Variants in PCDH7 observed in about 807,000 individuals in gnomAD.
The protein encoded by PCDH7 is protocadherin 7.
A neutral mutation model predicts 58.9 loss-of-function variants in PCDH7; 17 were observed. The observed-to-expected ratio is 0.29, with a 90% CI of 0.20 to 0.43. The LOEUF is 0.43. Ranked by LOEUF, PCDH7 falls within the 20% of genes least tolerant of loss-of-function variation. PCDH7 has a pLI of 1.00. For missense variants in PCDH7, 1,274 were observed against 1,441.0 expected (o/e 0.88, Z 1.88); for synonymous variants, 664 against 616.4 (o/e 1.08, Z -1.14).
At chr4:30,887,703 G>A (rs945992189) in intron 1 of PCDH7, among the ~76,000 whole-genome samples, 1 of 152,080 alleles carries the variant, frequency 6.6e-6, no homozygotes, top group East Asian at 1.9e-4. Context: ...ACAAAGGCAT[G>A]CAAATTCAGT....
intron 1 of PCDH7, among the ~76,000 whole-genome samples, chr4:30,800,163 A>C (rs980613672): frequency 2.6e-5 from 4 of 152,088 alleles, no homozygotes; most frequent in African/African-American, 9.6e-5. Flanking sequence ...CAGCGTATGA[A>C]TATAACTTCT....
intron 3 of PCDH7, among the ~76,000 whole-genome samples, chr4:31,112,506 C>A (rs1256786689): frequency 6.6e-6 from 1 of 152,070 alleles, no homozygotes; most frequent in Non-Finnish European, 1.5e-5. Context: ...TTTCATGAGG[C>A]AAAACATTTT....
intron 3 of PCDH7, among the ~76,000 whole-genome samples, chr4:31,034,814 A>G (rs1265790417): frequency 6.6e-6 from 1 of 151,192 alleles, no homozygotes; most frequent in African/African-American, 2.4e-5. Flanking sequence ...GCATTTAAAA[A>G]AAATAATAGA....
intron 1 of PCDH7, among the ~76,000 whole-genome samples, chr4:30,815,065 A>C (rs1403856590): frequency 6.6e-6 from 1 of 152,166 alleles, no homozygotes; most frequent in Non-Finnish European, 1.5e-5. Context: ...CTCAATTGTA[A>C]GTTATACAAC....
rs75558350 is a variant in PCDH7, at chr4:31,119,249, C to A, written c.*8-23224C>A. Among the ~76,000 whole-genome samples the A allele has an allele frequency of 6.6e-3, 1,001 of 152,224 alleles. 15 individuals carry two copies. The highest frequency in any genetic ancestry group is 0.023 in the African/African-American group (957 of 41,552). The stretch of plus-strand genomic sequence containing the variant: ...TAAATTATGTTTTGGTCTTACATTA[C>A]AACCTGCCCATACCTGTAAAAAAGA... On this transcript the variant is annotated intron_variant, in intron 3 of 3. Transcript: ENST00000509759.
chr4:30,739,519 A>G (rs1716797194), intron 1 of PCDH7, among the ~76,000 whole-genome samples: 1 of 152,078 alleles, frequency 6.6e-6, no homozygotes, highest in Admixed American at 6.6e-5. Context: ...ATATACAGAG[A>G]TGGTATTTCT....
intron 3 of PCDH7, among the ~76,000 whole-genome samples, chr4:30,964,521 G>A (rs1300858356): frequency 4.6e-5 from 7 of 151,930 alleles, no homozygotes; most frequent in Non-Finnish European, 4.4e-5. Context: ...GATTACAGGC[G>A]TGAGCCACCG....
chr4:30,856,864 A>G (rs920130246), intron 1 of PCDH7, among the ~76,000 whole-genome samples: 4 of 151,914 alleles, frequency 2.6e-5, no homozygotes, highest in African/African-American at 9.7e-5. Context: ...AGAAATATAG[A>G]TTTACTTTCT....
chr4:31,006,902 A>AAAAAAG (rs1266850545), intron 3 of PCDH7, among the ~76,000 whole-genome samples: 3 of 147,168 alleles, frequency 2.0e-5, no homozygotes, highest in African/African-American at 5.2e-5. Context: ...CAAAAAAAAA[A>AAAAAAG]AAAAAGAAAA....
At chr4:30,808,010 T>C (rs1726466610) in intron 1 of PCDH7, among the ~76,000 whole-genome samples, 1 of 152,212 alleles carries the variant, frequency 6.6e-6, no homozygotes, top group African/African-American at 2.4e-5. Flanking sequence ...TCACCTTTTC[T>C]TAGCTGGTGT....
exon 2 of PCDH7, chr4:30,731,182 A>G: frequency 2.0e-6 from 2 of 983,494 alleles, no homozygotes; most frequent in Non-Finnish European, 1.2e-6. Flanking sequence ...AATACATTAA[A>G]TACTGATTTT....
chr4:30,749,745 C>T (rs201876416), intron 1 of PCDH7, among the ~76,000 whole-genome samples: 17 of 152,130 alleles, frequency 1.1e-4, no homozygotes, highest in East Asian at 3.9e-4. Flanking sequence ...TGATAAAACA[C>T]GGGCATTTAG....
chr4:31,119,559 G>A (rs1186179598), intron 3 of PCDH7, among the ~76,000 whole-genome samples: 1 of 152,098 alleles, frequency 6.6e-6, no homozygotes, highest in East Asian at 1.9e-4. Context: ...AAGCTTTAGA[G>A]CAGGAACGAA....
At chr4:30,940,060 C>A (rs1211160740) in intron 2 of PCDH7, among the ~76,000 whole-genome samples, 1 of 151,362 alleles carries the variant, frequency 6.6e-6, no homozygotes, top group Non-Finnish European at 1.5e-5. Context: ...CAATGATTAC[C>A]CCAGATTGAA....
chr4:31,120,479 T>A (rs1382218418), intron 3 of PCDH7, among the ~76,000 whole-genome samples: 5 of 146,328 alleles, frequency 3.4e-5, no homozygotes, highest in African/African-American at 1.3e-4. Flanking sequence ...ATGTTACATC[T>A]CCTGTATGTT....
chr4:31,029,646 C>A (rs1754733178), intron 3 of PCDH7, among the ~76,000 whole-genome samples: 1 of 152,208 alleles, frequency 6.6e-6, no homozygotes, highest in Non-Finnish European at 1.5e-5. Flanking sequence ...CACATTAAAT[C>A]TGCCACACTC....
At chr4:30,792,368 A>G (rs1724230974) in intron 1 of PCDH7, among the ~76,000 whole-genome samples, 1 of 144,290 alleles carries the variant, frequency 6.9e-6, no homozygotes, top group Non-Finnish European at 1.5e-5. Flanking sequence ...TTGACTTCAT[A>G]TCATAGTTTA....
chr4:31,089,041 T>C (rs1452708602), intron 3 of PCDH7, among the ~76,000 whole-genome samples: 2 of 152,054 alleles, frequency 1.3e-5, no homozygotes, highest in Non-Finnish European at 1.5e-5. Context: ...TCAGGCATGC[T>C]ATCTTCTAAT....
Position 31,067,792 on chromosome 4 carries a change from C to T in PCDH7, c.*8-74681C>T, listed in dbSNP as rs78452315. The stretch of plus-strand genomic sequence containing the variant: ...TTTAGATCTGTGGGGAATTTTGAGA[C>T]GTTCATTCTAAGATATCATAGAAAA... On this transcript the variant is annotated intron_variant, in intron 3 of 3. Transcript: ENST00000509759. Among the ~76,000 whole-genome samples, 360 of 152,022 alleles carry T rather than the reference C, an allele frequency of 2.4e-3. 2 individuals are homozygous for T. In the East Asian group the frequency reaches 0.031, roughly 13 times the overall value.
Sources: gnomAD v4.1 joint callset for allele counts (sites outside exome capture counted in the v4.1 genomes callset) on GRCh38, gnomAD v4.1.1 for gene constraint, MANE v1.5 for transcripts, NCBI Gene and HGNC (gene_info 2026-07-23, HGNC 2026-07-21) for gene names.